The following NFX1 variants were observed in gnomAD, a reference collection of about 807,000 sequenced individuals.
NFX1 encodes transcriptional repressor NF-X1.
NFX1 carries 69 observed loss-of-function variants against 137.2 expected under a neutral mutation model. The observed-to-expected ratio is 0.50, with a 90% CI of 0.41 to 0.61. NFX1 has a LOEUF of 0.61. Among genes scored for constraint, NFX1 ranks in the 20% least tolerant of loss-of-function variants. The pLI is 0.00. For synonymous variants in NFX1, 495 were observed against 474.1 expected (o/e 1.04, Z -0.57); for missense variants, 1,167 against 1,391.0 (o/e 0.84, Z 2.56).
chr9:33,339,526 C>G (rs1282745622), intron 12 of NFX1, among the ~76,000 whole-genome samples: 1 of 152,196 alleles, frequency 6.6e-6, no homozygotes, highest in Non-Finnish European at 1.5e-5. Context: ...CAAACTATAT[C>G]ATTCTGCCCC....
intron 16 of NFX1, 164 bp from the exon 17 acceptor site, chr9:33,352,482 C>A (rs1360456451): frequency 1.8e-5 from 13 of 705,220 alleles, no homozygotes; most frequent in Admixed American, 1.0e-4. Flanking sequence ...ATGTCAACAA[C>A]TGTGTCAGTT....
intron 10 of NFX1, among the ~76,000 whole-genome samples, chr9:33,330,585 T>C (rs1181468646): frequency 6.6e-6 from 1 of 152,222 alleles, no homozygotes; most frequent in African/African-American, 2.4e-5. Context: ...GAGATGCTCT[T>C]TGTGATCTGT....
chr9:33,322,093 C>T lies in NFX1; in HGVS notation c.1906+2966C>T, dbSNP rs910419398. ...GCACATGCCTGCAATCCCAGCTACT[C>T]GGGAGGCTGAGGCAGGGGAATTGCT... On this transcript the variant is annotated intron_variant, in intron 9 of 23. Transcript: ENST00000379540. Among the ~76,000 whole-genome samples, 19 of 148,734 alleles carry T rather than the reference C, an allele frequency of 1.3e-4. 1 individual carries two copies. The South Asian group carries it at 1.3e-3, about 10-fold the overall frequency.
chr9:33,363,854 G>A (rs1824087981), intron 19 of NFX1, among the ~76,000 whole-genome samples, 156 bp from the exon 20 acceptor site: 1 of 152,038 alleles, frequency 6.6e-6, no homozygotes, highest in African/African-American at 2.4e-5. Flanking sequence ...ACCACCTCAT[G>A]TCCCAAGTTG....
intron 2 of NFX1, among the ~76,000 whole-genome samples, chr9:33,300,108 C>G (rs1188123325): frequency 1.7e-5 from 2 of 119,386 alleles, no homozygotes; most frequent in Non-Finnish European, 3.2e-5. Flanking sequence ...GAGTCTCACT[C>G]TGGAGTGCAG....
At chr9:33,306,864 C>A (rs933939259) in intron 4 of NFX1, among the ~76,000 whole-genome samples, 2 of 152,102 alleles carry the variant, frequency 1.3e-5, no homozygotes, top group Non-Finnish European at 2.9e-5. Context: ...CATATCAGTT[C>A]AGAAGTCCAG....
Position 33,342,764 on chromosome 9 carries a change from C to G in NFX1, c.2134C>G (p.Pro712Ala), listed in dbSNP as rs1823275113. 6.2e-7 allele frequency: 1 copy of G among 1,612,724 alleles called. No homozygotes were observed. Among genetic ancestry groups the G allele is most frequent in the African/African-American group, 1.3e-5 (1 of 74,874 alleles). The change falls in exon 13 of 24, where the codon CCT becomes GCT. Residue 712 changes from proline to alanine, a missense_variant. Around this residue, in one of 3 missense-constraint regions of NFX1, gnomAD observed 488 missense variants for 691.5 expected, o/e 0.71. Transcript: ENST00000379540. Reference protein sequence around the residue: ...ICCVDKEHKCPLICGRKLRCG... With the variant: ...ICCVDKEHKCALICGRKLRCG... ...TTCCCAGGATAAGGAGCACAAGTGT[C>G]CTTTGATTTGTGGGAGGAAACTCCG...
Position 33,344,165 on chromosome 9 carries a change from G to C in NFX1, c.2321G>C (p.Arg774Thr), listed in dbSNP as rs901019298. The change falls in exon 14 of 24, where the codon AGA becomes ACA. Residue 774 changes from arginine to threonine, a missense_variant. Arg to Thr is a moderately conservative substitution (Grantham distance 71). Transcript: ENST00000379540. ...CCTGAATGTACCCAAACCTGCGCTA[G>C]AGTCCATGAGTGTGACCATCCAGGT... ...RPPECTQTCA[R>T]VHECDHPVYH... The C allele has an allele frequency of 6.2e-7, 1 of 1,614,056 alleles. No individual in the cohort carries two copies. Among genetic ancestry groups the C allele is most frequent in the Admixed American group, 1.7e-5 (1 of 60,014 alleles).
At chr9:33,293,412 A>G (rs1821231106) in intron 1 of NFX1, among the ~76,000 whole-genome samples, 2 of 152,226 alleles carry the variant, frequency 1.3e-5, no homozygotes, top group African/African-American at 4.8e-5. Flanking sequence ...CAGCAATGAT[A>G]GAGTACCATT....
At chr9:33,298,007 A>ACACTTCATTCTT (rs1821419706) in intron 2 of NFX1, among the ~76,000 whole-genome samples, 2 of 152,306 alleles carry the variant, frequency 1.3e-5, no homozygotes, top group South Asian at 4.1e-4. Flanking sequence ...ATTTTTGAGA[A>ACACTTCATTCTT]CACTTCATTC....
intron 4 of NFX1, among the ~76,000 whole-genome samples, chr9:33,306,974 C>T (rs10971466): frequency 2.6e-5 from 4 of 152,124 alleles, no homozygotes; most frequent in Non-Finnish European, 5.9e-5. Context: ...ATTTATCTTT[C>T]CCAGGTAATC....
chr9:33,304,833 G>C (rs554708360), intron 4 of NFX1, among the ~76,000 whole-genome samples: 49 of 152,072 alleles, frequency 3.2e-4, no homozygotes, highest in Non-Finnish European at 6.3e-4. Context: ...TGGAAATTTG[G>C]GCAAATAGGA....
chr9:33,343,380 A>C (rs1823297119), intron 13 of NFX1, among the ~76,000 whole-genome samples: 1 of 152,220 alleles, frequency 6.6e-6, no homozygotes, highest in Non-Finnish European at 1.5e-5. Context: ...TTTTCAAAAA[A>C]GTAGAATAGC....
In NFX1 at chr9:33,347,028, C is replaced by G. The variant is rs1166910580; in HGVS notation, c.2345-10C>G. The stretch of plus-strand genomic sequence containing the variant: ...AAAGTATTCCTAAAGTTACCTTTCT[C>G]TTTCTGCAGTATATCATTCTTGTCA... On this transcript the variant is annotated splice_polypyrimidine_tract_variant and intron_variant, in intron 14 of 23. Coordinates refer to ENST00000379540, the MANE Select transcript of NFX1 (RefSeq NM_002504.6). The G allele has an allele frequency of 1.2e-6, 2 of 1,605,398 alleles. No individual in the cohort carries two copies. The highest frequency in any genetic ancestry group is 1.7e-6 in the Non-Finnish European group (2 of 1,173,024).
At chr9:33,367,163 CT>C (rs1188557256) in intron 22 of NFX1, among the ~76,000 whole-genome samples, 2 of 152,324 alleles carry the variant, frequency 1.3e-5, no homozygotes, top group African/African-American at 4.8e-5. Flanking sequence ...ATGCTGGACT[CT>C]GGTTCGAGGC....
intron 6 of NFX1, among the ~76,000 whole-genome samples, 190 bp from the exon 7 acceptor site, chr9:33,313,464 A>C (rs1158379580): frequency 6.6e-6 from 1 of 151,898 alleles, no homozygotes; most frequent in Non-Finnish European, 1.5e-5. Flanking sequence ...AAGAAGAAAA[A>C]GAGTGGAGAA....
intron 9 of NFX1, among the ~76,000 whole-genome samples, chr9:33,322,611 C>T (rs914275196): frequency 6.6e-6 from 1 of 152,108 alleles, no homozygotes; most frequent in African/African-American, 2.4e-5. Flanking sequence ...GAGCCCTAAT[C>T]GTCCTCACCC....
At position 33,370,305 on chromosome 9, in the gene NFX1, G is replaced by C. The variant is rs1824290261; in HGVS notation, c.*327G>C. On this transcript the variant is annotated 3_prime_UTR_variant, in exon 24 of 24. Coordinates refer to ENST00000379540, the MANE Select transcript of NFX1 (RefSeq NM_002504.6). ...TTTGGACAAACCAAACTTTTAGCCT[G>C]AAACCAACTTTATGCCACTAAGTCA... 1 of 197,570 alleles carries C rather than the reference G, an allele frequency of 5.1e-6. No homozygotes were observed. The highest frequency in any genetic ancestry group is 2.3e-5 in the African/African-American group (1 of 43,126). 12.2% of individuals were successfully genotyped at this position (197,570 alleles called of 1,614,324 possible).
In NFX1 at chr9:33,354,191, A is replaced by G. The variant is rs780741203; in HGVS notation, c.2831+4A>G. On this transcript the variant is annotated splice_donor_region_variant and intron_variant, in intron 18 of 23. Transcript: ENST00000379540. ...AAAAGGAAGTTCATCAAGCCAGGTA[A>G]TTTTTAAAATGCATATATGTGCCTT... is the stretch of plus-strand genomic sequence containing the variant. The G allele has an allele frequency of 1.2e-6, 2 of 1,608,424 alleles. No homozygotes were observed. Among genetic ancestry groups the G allele is most frequent in the South Asian group, 1.1e-5 (1 of 90,058 alleles).
Sources: allele counts gnomAD v4.1 joint callset (sites outside exome capture counted in the v4.1 genomes callset), GRCh38; gene constraint gnomAD v4.1.1; regional missense constraint gnomAD v4.1.1; transcripts MANE v1.5; gene names NCBI Gene and HGNC (gene_info 2026-07-23, HGNC 2026-07-21).